Variants in SORCS2 observed in about 807,000 individuals in gnomAD.
SORCS2 encodes sortilin related VPS10 domain containing receptor 2.
In SORCS2, 100 loss-of-function variants were observed where a neutral mutation model predicts 141.6. The observed-to-expected ratio is 0.71, with a 90% CI of 0.60 to 0.83. The LOEUF (loss-of-function observed/expected upper bound fraction) is 0.83, where lower values mean the gene tolerates loss of function less well. SORCS2 is among the 40% of genes least tolerant of loss of function. The probability of loss-of-function intolerance (pLI) is 0.00; values close to 1 mark genes in which losing one functional copy is unlikely to be tolerated. For missense variants in SORCS2, 1,646 were observed against 1,560.2 expected (o/e 1.05, Z -0.93); for synonymous variants, 789 against 676.9 (o/e 1.17, Z -2.57).
intron 3 of SORCS2, among the ~76,000 whole-genome samples, chr4:7,595,430 C>T (rs1475676367): frequency 6.6e-6 from 1 of 152,186 alleles, no homozygotes; most frequent in African/African-American, 2.4e-5. Context: ...CTTCCCTCCC[C>T]AGAGGTCAGG....
chr4:7,718,256 A>G, intron 18 of SORCS2, 73 bp downstream of exon 18: 2 of 1,530,384 alleles, frequency 1.3e-6, no homozygotes, highest in Non-Finnish European at 1.8e-6. Context: ...CGCAGAAGGC[A>G]CGGTGAGGGT....
intron 2 of SORCS2, among the ~76,000 whole-genome samples, chr4:7,519,995 A>G (rs747827342): frequency 6.6e-6 from 1 of 152,170 alleles, no homozygotes; most frequent in Non-Finnish European, 1.5e-5. Context: ...TGCCAGTTCC[A>G]GGCTTACCCC....
intron 2 of SORCS2, among the ~76,000 whole-genome samples, chr4:7,467,537 C>G (rs1051223623): frequency 6.6e-6 from 1 of 152,226 alleles, no homozygotes; most frequent in African/African-American, 2.4e-5. Context: ...GCTGGAGCCA[C>G]CCAGCTCCTG....
intron 11 of SORCS2, among the ~76,000 whole-genome samples, chr4:7,693,234 ATAGAC>A (rs1724372922): frequency 1.3e-5 from 2 of 151,450 alleles, no homozygotes; most frequent in African/African-American, 4.9e-5. Context: ...CTTCCTTTCA[ATAGAC>A]TAGGATAGGA....
At chr4:7,670,735 C>A (rs1300167418) in intron 8 of SORCS2, among the ~76,000 whole-genome samples, 1 of 152,180 alleles carries the variant, frequency 6.6e-6, no homozygotes, top group Non-Finnish European at 1.5e-5. Flanking sequence ...GTAGAGGCTT[C>A]CCATCCCCCA....
chr4:7,331,359 A>G (rs943141757), intron 1 of SORCS2, among the ~76,000 whole-genome samples: 3 of 152,078 alleles, frequency 2.0e-5, no homozygotes, highest in Non-Finnish European at 4.4e-5. Flanking sequence ...GAGTCACCCT[A>G]CAGCAAGGCA....
intron 1 of SORCS2, among the ~76,000 whole-genome samples, chr4:7,389,876 G>A (rs558759137): frequency 7.8e-4 from 119 of 152,252 alleles, no homozygotes; most frequent in African/African-American, 2.8e-3. Context: ...GATGGGAGGA[G>A]CCCCGGCTTC....
At chr4:7,596,997 C>T (rs999753123) in intron 3 of SORCS2, among the ~76,000 whole-genome samples, 1 of 151,928 alleles carries the variant, frequency 6.6e-6, no homozygotes, top group African/African-American at 2.4e-5. Context: ...AGCCATGATG[C>T]GGTTGTGCAA....
chr4:7,396,294 T>A lies in SORCS2; in HGVS notation c.487T>A (p.Leu163Met), dbSNP rs1176914482. 1 of 1,613,840 alleles carries A rather than the reference T, an allele frequency of 6.2e-7. No homozygotes were observed. The highest frequency in any genetic ancestry group is 8.5e-7 in the Non-Finnish European group (1 of 1,179,884). ...HWTGENSSVI[L>M]ILTKYYHADM... ...CTTTCTGTTAACACCACAGGTGATC[T>A]TGATCCTGACGAAGTACTACCACGC... The change falls in exon 2 of 27, where the codon TTG (leucine) becomes ATG (methionine). Residue 163 changes from leucine to methionine, a missense_variant. Transcript: ENST00000507866.
Position 7,192,656 on chromosome 4 carries a change from CG to C in SORCS2, c.15del (p.Ser7ArgfsTer58). On this transcript the variant is annotated frameshift_variant, in exon 1 of 27. Coordinates refer to ENST00000507866, the MANE Select transcript of SORCS2 (RefSeq NM_020777.3). LOFTEE classifies it high-confidence loss of function. The surrounding 1 kb of genome is among the most constrained non-coding windows in gnomAD (Gnocchi z 4.0). Reference sequence around the variant, plus strand: ...GCCGCCCCTGGCGACCATGGCGCACCGGGGGCCCTCGCGCGCCTCGAAGGGC... The same window carrying C: ...GCCGCCCCTGGCGACCATGGCGCACCGGGGCCCTCGCGCGCCTCGAAGGGC... MAH[R>X]GPSRASKGPG... 1.0e-6 allele frequency: 1 copy of C among 987,268 alleles called. No homozygotes were observed. Among genetic ancestry groups the C allele is most frequent in the Non-Finnish European group, 1.2e-6 (1 of 832,380 alleles). 61.2% of individuals were successfully genotyped at this position (987,268 alleles called of 1,614,324 possible). A position where few individuals can be genotyped will look rare whatever the true frequency, so the allele number is the denominator to read the frequency against.
intron 9 of SORCS2, among the ~76,000 whole-genome samples, chr4:7,680,301 G>A (rs560453655): frequency 6.6e-5 from 10 of 152,284 alleles, no homozygotes; most frequent in Admixed American, 4.6e-4. Flanking sequence ...CCATGCACGT[G>A]CCCCACCCTC....
chr4:7,639,443 TGTGA>T (rs1205141548), intron 4 of SORCS2, among the ~76,000 whole-genome samples: 1 of 151,596 alleles, frequency 6.6e-6, no homozygotes, highest in Non-Finnish European at 1.5e-5. Context: ...CTTGTAAGTG[TGTGA>T]GTGCATGTGT....
intron 2 of SORCS2, among the ~76,000 whole-genome samples, chr4:7,490,181 C>T (rs1731233116): frequency 6.6e-6 from 1 of 152,144 alleles, no homozygotes; most frequent in Non-Finnish European, 1.5e-5. Context: ...CCCGGCTTCT[C>T]GATGCTCTAA....
Position 7,576,196 on chromosome 4 carries a change from A to T in SORCS2, c.648+44567A>T, listed in dbSNP as rs564818855. Among the ~76,000 whole-genome samples, 10 of 152,334 alleles carry T rather than the reference A, an allele frequency of 6.6e-5. No homozygotes were observed. In the South Asian group the frequency reaches 1.2e-3, roughly 19 times the overall value. On this transcript the variant is annotated intron_variant, in intron 3 of 26. Coordinates refer to ENST00000507866, the MANE Select transcript of SORCS2 (RefSeq NM_020777.3). Reference sequence around the variant, plus strand: ...TCCTTCTGACCAAAGCCATGTGCTCAGCTGAATTGCTGTTCCAGCAAAGAC... The same window carrying T: ...TCCTTCTGACCAAAGCCATGTGCTCTGCTGAATTGCTGTTCCAGCAAAGAC...
intron 19 of SORCS2, among the ~76,000 whole-genome samples, chr4:7,724,154 GTGGTGGTGA>G (rs1368007648): frequency 1.4e-5 from 2 of 147,580 alleles, no homozygotes; most frequent in Non-Finnish European, 1.5e-5. Context: ...GGTCGTGGTG[GTGGTGGTGA>G]TGGTGGTGAT....
chr4:7,540,939 C>T (rs1469709609), intron 3 of SORCS2, among the ~76,000 whole-genome samples: 1 of 152,342 alleles, frequency 6.6e-6, no homozygotes, highest in South Asian at 2.1e-4. Flanking sequence ...GCCCCACCCA[C>T]GAGGCTGCCC....
intron 3 of SORCS2, among the ~76,000 whole-genome samples, chr4:7,611,213 A>C (rs1409597897): frequency 6.6e-6 from 1 of 152,210 alleles, no homozygotes; most frequent in Non-Finnish European, 1.5e-5. Flanking sequence ...TGACCTCAGC[A>C]CCTTGCAGGT....
chr4:7,704,056 C>T, intron 13 of SORCS2, 121 bp from the exon 14 acceptor site: 2 of 767,764 alleles, frequency 2.6e-6, no homozygotes, highest in Admixed American at 2.0e-5. Context: ...GTGGTATCAC[C>T]TGCACTGGCA....
chr4:7,253,669 G>T (rs1713655651), intron 1 of SORCS2, among the ~76,000 whole-genome samples: 1 of 152,222 alleles, frequency 6.6e-6, no homozygotes, highest in South Asian at 2.1e-4. Context: ...CATGAGCCAG[G>T]CTGTGAAGGC....
Sources: gnomAD v4.1 joint callset for allele counts (sites outside exome capture counted in the v4.1 genomes callset) on GRCh38, gnomAD v4.1.1 for gene constraint, Gnocchi (gnomAD v3.1) non-coding constraint, MANE v1.5 for transcripts, NCBI Gene and HGNC (gene_info 2026-07-23, HGNC 2026-07-21) for gene names.